The following ZNF18 variants were observed in gnomAD, a reference collection of about 807,000 sequenced individuals.
ZNF18 encodes the protein zinc finger protein 18, also known as heart development-specific gene 1 protein.
A neutral mutation model predicts 58.1 loss-of-function variants in ZNF18; 42 were observed. The ratio of observed to expected loss-of-function variants is 0.72; its 90% CI spans 0.56 to 0.93. The LOEUF (loss-of-function observed/expected upper bound fraction) is 0.93. Ranked by LOEUF, ZNF18 falls within the 40% of genes least tolerant of loss-of-function variation. ZNF18 has a pLI of 0.00. For synonymous variants in ZNF18, 231 were observed against 239.8 expected, an observed-to-expected ratio of 0.96 and a Z score of 0.34; for missense variants, 540 against 644.2, an observed-to-expected ratio of 0.84 and a Z score of 1.75.
At chr17:12,002,740 G>T in the ZNF18 span, among the ~76,000 whole-genome samples, 2 of 152,180 alleles carry the variant, frequency 1.3e-5, no homozygotes, top group Non-Finnish European at 2.9e-5. Flanking sequence ...AACTTGAAAT[G>T]AATATATTGA....
the ZNF18 span, among the ~76,000 whole-genome samples, chr17:12,019,690 G>A: frequency 6.6e-6 from 1 of 152,200 alleles, no homozygotes. Context: ...GATGATGGAT[G>A]AAATTGGGTT....
chr17:12,006,690 A>G, the ZNF18 span, among the ~76,000 whole-genome samples: 2 of 152,128 alleles, frequency 1.3e-5, no homozygotes, highest in South Asian at 4.1e-4. Context: ...GGTTGAGGTT[A>G]CAGTGAGCCA....
At chr17:11,994,910 C>A (rs1402172922) in intron 1 of ZNF18, among the ~76,000 whole-genome samples, 1 of 152,136 alleles carries the variant, frequency 6.6e-6, no homozygotes, top group Non-Finnish European at 1.5e-5. Context: ...GGAAGTGAAT[C>A]ACCATAAAGG....
the ZNF18 span, among the ~76,000 whole-genome samples, chr17:12,014,005 G>T: frequency 6.6e-6 from 1 of 152,220 alleles, no homozygotes; most frequent in East Asian, 1.9e-4. Context: ...CTCTTGAAAT[G>T]AACATATATT....
intron 1 of ZNF18, among the ~76,000 whole-genome samples, chr17:11,996,500 T>C (rs937310995): frequency 1.3e-5 from 2 of 152,166 alleles, no homozygotes; most frequent in Non-Finnish European, 2.9e-5. Context: ...CCAGGTAGTG[T>C]GTAAGAAAAA....
At chr17:11,999,051 G>A (rs1555537931), upstream of ZNF18, among the ~76,000 whole-genome samples, 1 of 152,042 alleles carries the variant, frequency 6.6e-6, no homozygotes, top group Non-Finnish European at 1.5e-5. Context: ...AATTTACCAG[G>A]CACATTTAGA....
At chr17:12,003,636 C>G in the ZNF18 span, among the ~76,000 whole-genome samples, 3 of 152,134 alleles carry the variant, frequency 2.0e-5, no homozygotes, top group Admixed American at 2.0e-4. Context: ...CGTAAAATGT[C>G]TTTAGACAAG....
chr17:11,990,981 T>C lies in ZNF18; in HGVS notation c.570A>G (p.Ala190=). 1 of 1,613,720 alleles carries C rather than the reference T, an allele frequency of 6.2e-7. No homozygotes were observed. Among genetic ancestry groups the C allele is most frequent in the Non-Finnish European group, 8.5e-7 (1 of 1,179,746 alleles). ...HIVKEESDTE[A]ELALAASQPA... ...ACACAGCACCATCCTCACCTAGTTC[T>C]GCTTCTGTGTCAGATTCCTCTTTCA... The change falls in exon 3 of 7, where the codon GCA becomes GCG. Residue 190 remains alanine (A), a synonymous_variant. Transcript: ENST00000580306.
the ZNF18 span, among the ~76,000 whole-genome samples, chr17:12,015,658 GC>G: frequency 6.6e-6 from 1 of 152,032 alleles, no homozygotes; most frequent in Admixed American, 6.6e-5. Context: ...GCTTGTTTTA[GC>G]ATATCTCTAT....
intron 6 of ZNF18, among the ~76,000 whole-genome samples, chr17:11,981,569 C>T (rs1311431069): frequency 7.0e-6 from 1 of 143,070 alleles, no homozygotes; most frequent in Admixed American, 7.2e-5. Flanking sequence ...GGCAGGATGA[C>T]CCTTGTAGAC....
In ZNF18 at chr17:11,978,146, T is replaced by C. The variant is rs79924321; in HGVS notation, c.1461A>G (p.Thr487=). ...SGLRHHEKIH[T]GEKPYKCPIC... ...TAGGACATTTATAGGGTTTCTCTCC[T>C]GTGTGGATTTTCTCGTGGTGGCGCA... is the stretch of plus-strand genomic sequence containing the variant. Residue 487 remains threonine, a synonymous_variant, in exon 7 of 7, where the codon ACA becomes ACG. Transcript: ENST00000580306. The C allele has an allele frequency of 2.0e-3, 3,279 of 1,614,174 alleles. 54 individuals carry two copies. The African/African-American group carries it at 0.038, about 19-fold the overall frequency.
At chr17:12,011,323 T>C in the ZNF18 span, 30 of 216,150 alleles carry the variant, frequency 1.4e-4, no homozygotes, top group Non-Finnish European at 9.3e-6. Flanking sequence ...TGCTGTTTCA[T>C]AAGAATGTTT....
chr17:12,014,765 A>G, the ZNF18 span, among the ~76,000 whole-genome samples: 1 of 152,140 alleles, frequency 6.6e-6, no homozygotes, highest in Non-Finnish European at 1.5e-5. Flanking sequence ...AAAACCACTG[A>G]ATTGGCCGGG....
intron 2 of ZNF18, among the ~76,000 whole-genome samples, chr17:11,991,546 T>C (rs1968128574): frequency 6.6e-6 from 1 of 152,186 alleles, no homozygotes; most frequent in South Asian, 2.1e-4. Flanking sequence ...AGTGTTAGAA[T>C]TACGTGAGGT....
At chr17:12,002,637 G>A in the ZNF18 span, among the ~76,000 whole-genome samples, 3 of 152,164 alleles carry the variant, frequency 2.0e-5, no homozygotes, top group Non-Finnish European at 4.4e-5. Context: ...TCTGTCTGCT[G>A]CATTTGTCCC....
the ZNF18 span, among the ~76,000 whole-genome samples, chr17:12,015,289 C>G: frequency 6.6e-6 from 1 of 152,098 alleles, no homozygotes; most frequent in African/African-American, 2.4e-5. Flanking sequence ...CACATAAGAC[C>G]ACATTTGATA....
At chr17:11,980,993 C>G (rs1027165718) in intron 6 of ZNF18, among the ~76,000 whole-genome samples, 1 of 152,102 alleles carries the variant, frequency 6.6e-6, no homozygotes, top group Admixed American at 6.6e-5. Context: ...AAGTATATGG[C>G]TTTTTGAGAC....
the ZNF18 span, among the ~76,000 whole-genome samples, chr17:12,012,750 A>C: frequency 6.6e-6 from 1 of 152,192 alleles, no homozygotes; most frequent in Admixed American, 6.5e-5. Context: ...ATCACAGCTC[A>C]CTGCAGCTTT....
the ZNF18 span, among the ~76,000 whole-genome samples, chr17:12,005,296 T>C: frequency 6.6e-6 from 1 of 152,038 alleles, no homozygotes; most frequent in African/African-American, 2.4e-5. Context: ...TTAAATCAAA[T>C]GGAAACTGGT....
Sources: gnomAD v4.1 joint callset for allele counts (sites outside exome capture counted in the v4.1 genomes callset) on GRCh38, gnomAD v4.1.1 for gene constraint, MANE v1.5 for transcripts, NCBI Gene and HGNC (gene_info 2026-07-23, HGNC 2026-07-21) for gene names.